ARHGEF7: variants seen among roughly 807,000 people sequenced by gnomAD.
ARHGEF7 encodes the protein PAK-interacting exchange factor beta.
ARHGEF7 carries 33 observed loss-of-function variants against 109.8 expected under a neutral mutation model. The ratio of observed to expected loss-of-function variants is 0.30; its 90% CI spans 0.23 to 0.40. The LOEUF is 0.40. Among genes scored for constraint, ARHGEF7 ranks in the 10% least tolerant of loss-of-function variants. The probability of loss-of-function intolerance (pLI) is 1.00; values close to 1 mark genes in which losing one functional copy is unlikely to be tolerated. For synonymous variants in ARHGEF7, 458 were observed against 424.6 expected (o/e 1.08, Z -0.97); for missense variants, 938 against 1,098.5 (o/e 0.85, Z 2.07).
chr13:111,115,984 C>G (rs1433979911), intron 1 of ARHGEF7, among the ~76,000 whole-genome samples: 1 of 152,070 alleles, frequency 6.6e-6, no homozygotes, highest in South Asian at 2.1e-4. Context: ...TTCTGCGCCG[C>G]CCGAACGCTA....
chr13:111,275,847 TAGAG>T (rs2092444649), intron 12 of ARHGEF7, 169 bp downstream of exon 12: 1 of 778,374 alleles, frequency 1.3e-6, no homozygotes, highest in Non-Finnish European at 2.1e-6. Flanking sequence ...TATGGCATGT[TAGAG>T]AGGCTTAGAG....
chr13:111,304,124 C>A lies in ARHGEF7; in HGVS notation c.*1011C>A, dbSNP rs2093617522. The stretch of plus-strand genomic sequence containing the variant: ...TCCACCATTGGCCGTAGCCAGCAGG[C>A]TTCAGTGCTCACCGAAAGTAAAATC... On this transcript the variant is annotated 3_prime_UTR_variant, in exon 22 of 22. Transcript: ENST00000646102. 1 of 152,274 alleles carries A rather than the reference C, an allele frequency of 6.6e-6. No homozygotes were observed. The highest frequency in any genetic ancestry group is 2.1e-4 in the South Asian group (1 of 4,834). 9.4% of individuals were successfully genotyped at this position (152,274 alleles called of 1,614,324 possible).
chr13:111,263,090 CTG>C (rs1420664376), intron 8 of ARHGEF7, among the ~76,000 whole-genome samples: 13 of 152,196 alleles, frequency 8.5e-5, no homozygotes, highest in Non-Finnish European at 1.6e-4. Context: ...ATGGTGATTT[CTG>C]TGAGTCTGGC....
At chr13:111,245,750 G>A (rs1189126995) in intron 8 of ARHGEF7, among the ~76,000 whole-genome samples, 3 of 152,134 alleles carry the variant, frequency 2.0e-5, no homozygotes, top group African/African-American at 4.8e-5. Flanking sequence ...ACTGCTTTAC[G>A]ACTTACTTTG....
intron 20 of ARHGEF7, 47 bp from the exon 21 acceptor site, chr13:111,301,431 C>G (rs747766559): frequency 1.9e-6 from 3 of 1,558,232 alleles, no homozygotes; most frequent in South Asian, 2.3e-5. Context: ...TGTGTCCTCT[C>G]CATGCCTCAC....
At chr13:111,208,466 A>G (rs991083144) in intron 3 of ARHGEF7, among the ~76,000 whole-genome samples, 3 of 152,176 alleles carry the variant, frequency 2.0e-5, no homozygotes, top group Non-Finnish European at 2.9e-5. Flanking sequence ...TTAAAATCAT[A>G]TGTGTTCTCA....
In ARHGEF7 at chr13:111,277,587, G is replaced by A. The variant is rs765860102; in HGVS notation, c.1420G>A (p.Glu474Lys). The change falls in exon 13 of 22, where the codon GAA becomes AAA. Residue 474 changes from glutamate (E) to lysine (K), a missense_variant and splice_region_variant. Around this residue, in one of 4 missense-constraint regions of ARHGEF7, gnomAD observed 585 missense variants for 723.6 expected, o/e 0.81. Transcript: ENST00000646102. Reference protein sequence around the residue: ...QVLIQCAGSEEKNERYLLLFP... With the variant: ...QVLIQCAGSEKKNERYLLLFP... Reference sequence around the variant, plus strand: ...TTTTGGATTTCTTTTTTTGTATTAGGAAAAGAATGAAAGATATCTTCTACT... The same window carrying A: ...TTTTGGATTTCTTTTTTTGTATTAGAAAAAGAATGAAAGATATCTTCTACT... 14 of 1,585,840 alleles carry A rather than the reference G, an allele frequency of 8.8e-6. No homozygotes were observed. In the South Asian group the frequency reaches 1.6e-4, roughly 18 times the overall value.
intron 13 of ARHGEF7, 91 bp from the exon 14 acceptor site, chr13:111,280,181 C>G (rs1469675064): frequency 7.5e-7 from 1 of 1,331,356 alleles, no homozygotes; most frequent in Non-Finnish European, 1.0e-6. Flanking sequence ...TCCACCAATT[C>G]TAAAATCATT....
Position 111,265,537 on chromosome 13 carries a change from C to G in ARHGEF7, c.951-2011C>G, listed in dbSNP as rs7993510. On this transcript the variant is annotated intron_variant, in intron 8 of 21. Transcript: ENST00000646102. ...GTGCTCATGAAGGTGGAGGCACACC[C>G]AGAGACTGCATGGAGGTGGAACCGG... The G allele has an allele frequency of 4.1e-3, 1,855 of 456,620 alleles. 9 individuals carry two copies. The highest frequency in any genetic ancestry group is 6.5e-3 in the Non-Finnish European group (1,486 of 226,962). The allele number at this position is 456,620 out of a possible 1,614,324, so 28.3% of individuals were successfully genotyped here.
chr13:111,148,127 C>A (rs887547228), intron 1 of ARHGEF7, among the ~76,000 whole-genome samples: 1 of 152,214 alleles, frequency 6.6e-6, no homozygotes, highest in Admixed American at 6.5e-5. Flanking sequence ...TGTGTGCAAG[C>A]TTCTGTGCGT....
intron 5 of ARHGEF7, among the ~76,000 whole-genome samples, chr13:111,229,004 G>A (rs2085624316): frequency 6.6e-6 from 1 of 151,996 alleles, no homozygotes; most frequent in South Asian, 2.1e-4. Context: ...ACAGAAGTGT[G>A]TTCTTCTCAA....
At chr13:111,292,017 T>C in intron 18 of ARHGEF7, 101 bp from the exon 19 acceptor site, 1 of 951,800 alleles carries the variant, frequency 1.1e-6, no homozygotes, top group Non-Finnish European at 1.6e-6. Context: ...TCTCTTCCCA[T>C]CACCTTTTGC....
At chr13:111,263,990 AT>A (rs2091366806) in intron 8 of ARHGEF7, among the ~76,000 whole-genome samples, 1 of 152,208 alleles carries the variant, frequency 6.6e-6, no homozygotes, top group East Asian at 1.9e-4. Context: ...AGTAGTTGAA[AT>A]TAATTTGAGT....
chr13:111,218,870 G>T (rs2083463736), intron 5 of ARHGEF7, among the ~76,000 whole-genome samples: 1 of 152,112 alleles, frequency 6.6e-6, no homozygotes, highest in African/African-American at 2.4e-5. Flanking sequence ...TTACAAATGG[G>T]AATATGACAA....
intron 4 of ARHGEF7, among the ~76,000 whole-genome samples, chr13:111,217,146 T>A (rs2083248402): frequency 6.6e-6 from 1 of 152,238 alleles, no homozygotes; most frequent in Non-Finnish European, 1.5e-5. Flanking sequence ...CAGAATTTAA[T>A]GTATAGCTGG....
chr13:111,280,449 T>C (rs967321153), intron 14 of ARHGEF7, 89 bp from the exon 15 acceptor site: 7 of 1,585,270 alleles, frequency 4.4e-6, no homozygotes, highest in Non-Finnish European at 6.0e-6. Flanking sequence ...AGGTGGTGTT[T>C]AAGCGCTGAG....
chr13:111,254,609 C>T (rs951931105), intron 8 of ARHGEF7, among the ~76,000 whole-genome samples: 12 of 148,098 alleles, frequency 8.1e-5, no homozygotes, highest in South Asian at 2.2e-4. Context: ...CGGGCTAAGG[C>T]GCTGAGTCGC....
At chr13:111,210,348 T>C (rs1164812774) in intron 4 of ARHGEF7, among the ~76,000 whole-genome samples, 1 of 152,046 alleles carries the variant, frequency 6.6e-6, no homozygotes, top group East Asian at 1.9e-4. Context: ...GAATAAGAAA[T>C]ATGTATGGAA....
intron 2 of ARHGEF7, among the ~76,000 whole-genome samples, chr13:111,184,189 T>C (rs571655470): frequency 1.8e-4 from 28 of 152,302 alleles, no homozygotes; most frequent in Admixed American, 7.8e-4. Flanking sequence ...TCATTCTCTC[T>C]CGTTGTCCTG....
Sources: allele counts gnomAD v4.1 joint callset (sites outside exome capture counted in the v4.1 genomes callset), GRCh38; gene constraint gnomAD v4.1.1; regional missense constraint gnomAD v4.1.1; transcripts MANE v1.5; gene names NCBI Gene and HGNC (gene_info 2026-07-23, HGNC 2026-07-21).